Variants in PICALM observed in about 807,000 individuals in gnomAD.
PICALM encodes the protein phosphatidylinositol binding clathrin assembly protein.
A neutral mutation model predicts 80.5 loss-of-function variants in PICALM; 40 were observed. That is an observed-to-expected ratio of 0.50 (90% CI 0.39 to 0.65). The LOEUF (loss-of-function observed/expected upper bound fraction) is 0.65, where lower values mean the gene tolerates loss of function less well. Ranked by LOEUF, PICALM falls within the 30% of genes least tolerant of loss-of-function variation. PICALM has a pLI of 0.00. For synonymous variants in PICALM, 288 were observed against 260.3 expected (o/e 1.11, Z -1.02); for missense variants, 676 against 778.9 (o/e 0.87, Z 1.57).
At chr11:86,057,826 C>T (rs879492079) in intron 1 of PICALM, among the ~76,000 whole-genome samples, 1 of 152,062 alleles carries the variant, frequency 6.6e-6, no homozygotes, top group Non-Finnish European at 1.5e-5. Context: ...AGGAGATGTG[C>T]ATAGGTTATA....
At chr11:86,009,346 T>C (rs2095347958) in intron 7 of PICALM, among the ~76,000 whole-genome samples, 1 of 142,284 alleles carries the variant, frequency 7.0e-6, no homozygotes, top group African/African-American at 2.6e-5. Flanking sequence ...AGACAGTCTA[T>C]TGCACCTAAG....
In PICALM at chr11:86,024,386, C is replaced by A. The variant is rs541374247; in HGVS notation, c.349+1906G>T. ...AAAGGGAAACAAGTATTGGACTGAA[C>A]ACCTCCAAACTCAAATACAGCCAGT... On this transcript the variant is annotated intron_variant, in intron 3 of 19. Coordinates refer to ENST00000393346, the MANE Select transcript of PICALM (RefSeq NM_007166.4). Among the ~76,000 whole-genome samples the A allele has an allele frequency of 1.5e-4, 22 of 148,350 alleles. No individual in the cohort carries two copies. In the South Asian group the frequency reaches 4.5e-3, roughly 30 times the overall value.
intron 19 of PICALM, among the ~76,000 whole-genome samples, chr11:85,968,688 G>C (rs1282084140): frequency 6.6e-6 from 1 of 152,120 alleles, no homozygotes; most frequent in East Asian, 1.9e-4. Flanking sequence ...GTAAGAGAAA[G>C]CAGGAGTCCC....
chr11:86,069,086 G>C, upstream of PICALM: 2 of 322,626 alleles, frequency 6.2e-6, no homozygotes, highest in Non-Finnish European at 1.2e-5. Context: ...GAAAATGGCG[G>C]CGCCAGGCTC....
chr11:86,043,717 G>T (rs1186499413), intron 1 of PICALM, among the ~76,000 whole-genome samples: 1 of 152,174 alleles, frequency 6.6e-6, no homozygotes, highest in Non-Finnish European at 1.5e-5. Flanking sequence ...AGATCCAGGA[G>T]ACAGAAGTAA....
intron 1 of PICALM, among the ~76,000 whole-genome samples, chr11:86,065,473 G>A (rs1027320071): frequency 2.6e-5 from 4 of 152,008 alleles, no homozygotes; most frequent in Non-Finnish European, 5.9e-5. Flanking sequence ...TTTCTATCCT[G>A]CAATAATTAT....
At chr11:86,018,392 T>C (rs1209819730) in intron 4 of PICALM, among the ~76,000 whole-genome samples, 36 of 152,216 alleles carry the variant, frequency 2.4e-4, no homozygotes, top group Admixed American at 2.4e-3. Flanking sequence ...ATAACTTTTA[T>C]AAAGGATAAT....
At chr11:86,022,068 T>C (rs1266169093) in intron 4 of PICALM, among the ~76,000 whole-genome samples, 2 of 152,114 alleles carry the variant, frequency 1.3e-5, no homozygotes, top group Non-Finnish European at 2.9e-5. Context: ...GTGGAGGTGA[T>C]AAAAATGTTC....
At chr11:86,000,461 G>A (rs187664737) in intron 11 of PICALM, among the ~76,000 whole-genome samples, 182 bp downstream of exon 11, 72 of 152,178 alleles carry the variant, frequency 4.7e-4, no homozygotes, top group East Asian at 2.1e-3. Context: ...TCGTAAATAC[G>A]TAAAATATAA....
At chr11:86,060,969 C>G in intron 1 of PICALM, among the ~76,000 whole-genome samples, 1 of 152,104 alleles carries the variant, frequency 6.6e-6, no homozygotes. Context: ...ATTTTCTGCT[C>G]TGTGAAAGGC....
chr11:86,066,980 A>C (rs1449029232), intron 1 of PICALM, among the ~76,000 whole-genome samples: 1 of 152,230 alleles, frequency 6.6e-6, no homozygotes, highest in Non-Finnish European at 1.5e-5. Context: ...TCCATTCTCT[A>C]AGACAAGCAA....
At chr11:86,017,913 T>C (rs932410809) in intron 4 of PICALM, among the ~76,000 whole-genome samples, 6 of 152,218 alleles carry the variant, frequency 3.9e-5, no homozygotes, top group Admixed American at 6.5e-5. Context: ...TGTGTGCGCC[T>C]GTGTGAATAT....
rs746635401 is a variant in PICALM at position 85,983,850 on chromosome 11, A to G, written c.1516+16T>C. 6 of 1,080,268 alleles carry G rather than the reference A, an allele frequency of 5.6e-6. No individual in the cohort carries two copies. In the Admixed American group the frequency reaches 1.2e-4, roughly 22 times the overall value. The allele number at this position is 1,080,268 out of a possible 1,614,324, so 66.9% of individuals were successfully genotyped here. A position where few individuals can be genotyped will look rare whatever the true frequency, so the allele number is the denominator to read the frequency against. ...TAGGACATTATAATATTTTTAATAA[A>G]ATTTTTTTTCCTTACCCCCAGAATC... is the stretch of plus-strand genomic sequence containing the variant. On this transcript the variant is annotated intron_variant, in intron 14 of 19. Transcript: ENST00000393346.
intron 1 of PICALM, among the ~76,000 whole-genome samples, chr11:86,056,984 G>C (rs1354063107): frequency 2.6e-5 from 4 of 152,062 alleles, no homozygotes; most frequent in Non-Finnish European, 5.9e-5. Flanking sequence ...GATAGAAAGT[G>C]GATTAATGGT....
chr11:86,062,709 A>C (rs1347740812), intron 1 of PICALM, among the ~76,000 whole-genome samples: 1 of 152,178 alleles, frequency 6.6e-6, no homozygotes, highest in African/African-American at 2.4e-5. Flanking sequence ...TTTTTAATAC[A>C]AAGGCTTAGG....
At chr11:85,999,189 T>C (rs2095068063) in intron 11 of PICALM, among the ~76,000 whole-genome samples, 1 of 152,252 alleles carries the variant, frequency 6.6e-6, no homozygotes, top group South Asian at 2.1e-4. Context: ...TTATTCCTTC[T>C]AACTGTATTT....
chr11:86,008,051 T>C (rs1179929632), intron 7 of PICALM, among the ~76,000 whole-genome samples: 2 of 152,134 alleles, frequency 1.3e-5, no homozygotes, highest in Non-Finnish European at 2.9e-5. Flanking sequence ...CAGATAACAC[T>C]TTAAAAACTC....
At chr11:85,999,846 A>C (rs1592739669) in intron 11 of PICALM, among the ~76,000 whole-genome samples, 1 of 152,228 alleles carries the variant, frequency 6.6e-6, no homozygotes, top group African/African-American at 2.4e-5. Context: ...ACCTGGGAGC[A>C]TCTTAAAAAC....
At chr11:86,042,315 T>C (rs1410037491) in intron 1 of PICALM, among the ~76,000 whole-genome samples, 1 of 152,110 alleles carries the variant, frequency 6.6e-6, no homozygotes, top group Non-Finnish European at 1.5e-5. Context: ...ATTACTTCTA[T>C]GTCAATTTTA....
Sources: allele counts gnomAD v4.1 joint callset (sites outside exome capture counted in the v4.1 genomes callset), GRCh38; gene constraint gnomAD v4.1.1; transcripts MANE v1.5; gene names NCBI Gene and HGNC (gene_info 2026-07-23, HGNC 2026-07-21).